The following ROBO1 variants were observed in gnomAD, a reference collection of about 807,000 sequenced individuals.
ROBO1 encodes roundabout homolog 1.
ROBO1 carries 149 observed loss-of-function variants against 195.9 expected under a neutral mutation model. That is an observed-to-expected ratio of 0.76 (90% CI 0.67 to 0.87). The LOEUF is 0.87. Among genes scored for constraint, ROBO1 ranks in the 40% least tolerant of loss-of-function variants. The pLI, the probability that ROBO1 is intolerant of heterozygous loss-of-function variation, is 0.00. For synonymous variants in ROBO1, 816 were observed against 733.2 expected, an observed-to-expected ratio of 1.11 and a Z score of -1.82; for missense variants, 1,933 against 2,068.3, an observed-to-expected ratio of 0.93 and a Z score of 1.27.
At chr3:79,092,466 G>C (rs2079496083) in intron 3 of ROBO1, among the ~76,000 whole-genome samples, 1 of 152,130 alleles carries the variant, frequency 6.6e-6, no homozygotes, top group South Asian at 2.1e-4. Context: ...ATATAAAATT[G>C]AGAATTGCCA....
At chr3:78,865,015 A>G (rs1305996031) in intron 4 of ROBO1, among the ~76,000 whole-genome samples, 1 of 152,070 alleles carries the variant, frequency 6.6e-6, no homozygotes, top group Non-Finnish European at 1.5e-5. Flanking sequence ...ACAGACTTCT[A>G]TTTTTGCATT....
chr3:78,813,569 T>C (rs1023312152), intron 4 of ROBO1, among the ~76,000 whole-genome samples: 10 of 152,252 alleles, frequency 6.6e-5, no homozygotes, highest in African/African-American at 2.4e-4. Context: ...AGAATCGTTC[T>C]GTTTAACCAA....
intron 2 of ROBO1, among the ~76,000 whole-genome samples, chr3:79,193,581 CTTTTT>C (rs869203963): frequency 2.2e-3 from 188 of 85,606 alleles, no homozygotes; most frequent in South Asian, 5.9e-3. Flanking sequence ...TGTGGTTTTG[CTTTTT>C]TTTTTTTTTT....
intron 28 of ROBO1, among the ~76,000 whole-genome samples, chr3:78,613,977 C>T (rs1161323004): frequency 6.6e-6 from 1 of 152,078 alleles, no homozygotes; most frequent in Non-Finnish European, 1.5e-5. Flanking sequence ...CATGAATTTC[C>T]AACAAAGCCT....
In ROBO1 at chr3:79,398,068, T is replaced by G. The variant is rs2037218878; in HGVS notation, c.88+191756A>C. ...AATTATCCATTGTCAAATTGCCACC[T>G]AATAGTGCTAAAACAAGATTTTTAA... On this transcript the variant is annotated intron_variant, in intron 2 of 30. Coordinates refer to ENST00000464233, the MANE Select transcript of ROBO1 (RefSeq NM_002941.4). Among the ~76,000 whole-genome samples the G allele has an allele frequency of 2.6e-5, 4 of 152,190 alleles. No individual in the cohort carries two copies. In the South Asian group the frequency reaches 8.3e-4, roughly 31 times the overall value.
intron 3 of ROBO1, among the ~76,000 whole-genome samples, chr3:79,086,560 C>T (rs2079374794): frequency 1.3e-5 from 2 of 152,082 alleles, no homozygotes; most frequent in African/African-American, 4.8e-5. Context: ...AGATAAGCTG[C>T]CCAGACAGCT....
At chr3:79,500,452 C>T (rs1048615215) in intron 2 of ROBO1, among the ~76,000 whole-genome samples, 1 of 152,100 alleles carries the variant, frequency 6.6e-6, no homozygotes, top group Non-Finnish European at 1.5e-5. Flanking sequence ...TTTAATTTGT[C>T]CTCAGTGAGG....
At chr3:79,236,476 A>G (rs989883325) in intron 2 of ROBO1, among the ~76,000 whole-genome samples, 8 of 152,202 alleles carry the variant, frequency 5.3e-5, no homozygotes, top group Admixed American at 2.6e-4. Context: ...CGAAAATTAT[A>G]TACATAAAAA....
intron 2 of ROBO1, among the ~76,000 whole-genome samples, chr3:79,235,949 ATTG>A (rs2082399621): frequency 6.6e-6 from 1 of 152,110 alleles, no homozygotes; most frequent in South Asian, 2.1e-4. Flanking sequence ...AATATAGCAT[ATTG>A]TTGTTCTATT....
rs61680946 is a variant in ROBO1, at chr3:79,381,355, C to CA, written c.88+208468dup. 1.5e-3 allele frequency among the ~76,000 whole-genome samples: 93 copies of CA among 60,658 alleles called. 1 individual carries two copies. Among genetic ancestry groups the CA allele is most frequent in the Middle Eastern group, 0.021 (1 of 48 alleles). The allele number at this position is 60,658 out of a possible 152,430, so 39.8% of individuals were successfully genotyped here. A position where few individuals can be genotyped will look rare whatever the true frequency, so the allele number is the denominator to read the frequency against. On this transcript the variant is annotated intron_variant, in intron 2 of 30. Transcript: ENST00000464233. ...CTGGAGACAGAGTGAAACTCCGTCT[C>CA]AAAAAAAAAAAAAAAAAAAAAAGAA...
chr3:79,456,273 T>G lies in ROBO1; in HGVS notation c.88+133551A>C, dbSNP rs372807020. On this transcript the variant is annotated intron_variant, in intron 2 of 30. Coordinates refer to ENST00000464233, the MANE Select transcript of ROBO1 (RefSeq NM_002941.4). ...AGTTTAATCAAAAGATTTTTGGTGA[T>G]GAAATCTTAAGTATTTCTCAGAAGC... Among the ~76,000 whole-genome samples the G allele has an allele frequency of 2.1e-3, 325 of 152,290 alleles. 1 individual carries two copies. Among genetic ancestry groups the G allele is most frequent in the African/African-American group, 7.4e-3 (308 of 41,562 alleles).
intron 1 of ROBO1, among the ~76,000 whole-genome samples, chr3:79,759,631 T>C (rs1334501607): frequency 2.0e-5 from 3 of 152,202 alleles, no homozygotes; most frequent in Non-Finnish European, 4.4e-5. Context: ...AAAGAGATTA[T>C]ACAGTTTGTC....
intron 2 of ROBO1, among the ~76,000 whole-genome samples, chr3:79,192,209 T>C (rs2081553225): frequency 6.6e-6 from 1 of 151,646 alleles, no homozygotes; most frequent in African/African-American, 2.4e-5. Flanking sequence ...TTGGATTGTA[T>C]TTCTCATTCT....
intron 2 of ROBO1, among the ~76,000 whole-genome samples, chr3:79,187,064 A>C (rs771823354): frequency 1.3e-5 from 2 of 152,112 alleles, no homozygotes; most frequent in Non-Finnish European, 2.9e-5. Context: ...TAGTTTGAGA[A>C]GAATGCTGTC....
intron 4 of ROBO1, among the ~76,000 whole-genome samples, chr3:78,868,861 C>T (rs1256134194): frequency 2.6e-5 from 4 of 152,040 alleles, no homozygotes; most frequent in Admixed American, 6.5e-5. Flanking sequence ...GGCAATATTC[C>T]CCTTTAAATA....
chr3:79,694,020 T>C (rs1278831631), intron 1 of ROBO1, among the ~76,000 whole-genome samples: 2 of 151,706 alleles, frequency 1.3e-5, no homozygotes, highest in Non-Finnish European at 2.9e-5. Flanking sequence ...AAAGAAGTTG[T>C]AACAAGAAAA....
chr3:79,127,670 C>A (rs964119562), intron 2 of ROBO1, among the ~76,000 whole-genome samples: 1 of 152,176 alleles, frequency 6.6e-6, no homozygotes, highest in African/African-American at 2.4e-5. Context: ...TTATTGAATT[C>A]TTCCTGAGAA....
intron 21 of ROBO1, among the ~76,000 whole-genome samples, chr3:78,643,749 T>A (rs1418704899): frequency 6.6e-6 from 1 of 152,152 alleles, no homozygotes; most frequent in Non-Finnish European, 1.5e-5. Flanking sequence ...AAAAGATCGT[T>A]CTGTCTCCAG....
intron 18 of ROBO1, 133 bp from the exon 19 acceptor site, chr3:78,652,062 A>G (rs2107621582): frequency 1.4e-6 from 1 of 696,960 alleles, no homozygotes; most frequent in East Asian, 2.7e-5. Flanking sequence ...ACTCACCATC[A>G]TCAAATAAAA....
Sources: allele counts gnomAD v4.1 joint callset (sites outside exome capture counted in the v4.1 genomes callset), GRCh38; gene constraint gnomAD v4.1.1; transcripts MANE v1.5; gene names NCBI Gene and HGNC (gene_info 2026-07-23, HGNC 2026-07-21).